TTC13: variants seen among roughly 807,000 people sequenced by gnomAD.
The protein encoded by TTC13 is tetratricopeptide repeat domain 13.
Under a neutral mutation model 120.0 loss-of-function variants are expected in TTC13, and 62 were observed. That is an observed-to-expected ratio of 0.52 (90% confidence interval 0.42 to 0.64). TTC13 has a LOEUF of 0.64. TTC13 is among the 30% of genes least tolerant of loss of function. The pLI is 0.00. For missense variants in TTC13, 824 were observed against 1,050.2 expected, an observed-to-expected ratio of 0.78 and a Z score of 2.98; for synonymous variants, 384 against 393.5, an observed-to-expected ratio of 0.98 and a Z score of 0.28.
intron 12 of TTC13, among the ~76,000 whole-genome samples, chr1:230,927,710 T>C (rs1673162981): frequency 6.6e-6 from 1 of 152,190 alleles, no homozygotes; most frequent in South Asian, 2.1e-4. Context: ...GTCCAATTTA[T>C]CAACCTTTTT....
At chr1:230,973,723 AAAGAGT>A (rs1677985743) in intron 1 of TTC13, among the ~76,000 whole-genome samples, 1 of 152,242 alleles carries the variant, frequency 6.6e-6, no homozygotes. Flanking sequence ...TACTGTCTGT[AAAGAGT>A]ATAAAGATAT....
chr1:230,916,638 G>A (rs1672059807), intron 17 of TTC13, among the ~76,000 whole-genome samples: 1 of 152,180 alleles, frequency 6.6e-6, no homozygotes, highest in African/African-American at 2.4e-5. Flanking sequence ...CAGCAACCTT[G>A]AATCATGGCA....
chr1:230,955,185 C>A (rs1030303655), intron 3 of TTC13, among the ~76,000 whole-genome samples: 1 of 152,070 alleles, frequency 6.6e-6, no homozygotes, highest in Admixed American at 6.6e-5. Context: ...CCCTTAGCCC[C>A]GCCAAAATCC....
intron 17 of TTC13, among the ~76,000 whole-genome samples, chr1:230,916,961 C>T (rs1672093345): frequency 6.6e-6 from 1 of 152,010 alleles, no homozygotes; most frequent in Non-Finnish European, 1.5e-5. Flanking sequence ...GAAAATGACC[C>T]CCAAATTTAG....
chr1:230,954,924 A>C (rs1382522082), intron 3 of TTC13, among the ~76,000 whole-genome samples: 2 of 152,222 alleles, frequency 1.3e-5, no homozygotes, highest in Non-Finnish European at 2.9e-5. Flanking sequence ...AATACAAACC[A>C]CTATAACGCA....
chr1:230,924,980 G>T lies in TTC13; in HGVS notation c.1589-7C>A. ...AATGCGGCCAAACCCATAGCTACGA[G>T]AAAGGAATATCGAGAAGAGTTAGTA... On this transcript the variant is annotated splice_region_variant and splice_polypyrimidine_tract_variant and intron_variant, in intron 13 of 22. Transcript: ENST00000366661. 5 of 1,614,116 alleles carry T rather than the reference G, an allele frequency of 3.1e-6. No homozygotes were observed. Among genetic ancestry groups the T allele is most frequent in the Non-Finnish European group, 4.2e-6 (5 of 1,180,004 alleles).
chr1:230,977,931 C>T (rs1288206811), intron 1 of TTC13, among the ~76,000 whole-genome samples: 1 of 152,228 alleles, frequency 6.6e-6, no homozygotes, highest in East Asian at 1.9e-4. Flanking sequence ...CCTGCAGGGG[C>T]CTTTTTTCCC....
At chr1:230,919,371 G>A (rs1018437106) in intron 17 of TTC13, among the ~76,000 whole-genome samples, 4 of 152,090 alleles carry the variant, frequency 2.6e-5, no homozygotes, top group East Asian at 1.9e-4. Context: ...ACGGAAGCTG[G>A]AAGGGCAAGA....
At chr1:230,929,131 TGCTAAAGAAACTTTCTTATG>T (rs1330599189) in intron 11 of TTC13, 38 bp from the exon 12 acceptor site, 5 of 1,584,112 alleles carry the variant, frequency 3.2e-6, no homozygotes, top group Non-Finnish European at 4.3e-6. Flanking sequence ...ATCCAAATAC[TGCTAAAGAAACTTTCTTATG>T]GCTAGCTGCC....
At chr1:230,929,642 C>T (rs1673367040) in intron 11 of TTC13, among the ~76,000 whole-genome samples, 2 of 152,162 alleles carry the variant, frequency 1.3e-5, no homozygotes, top group East Asian at 1.9e-4. Context: ...ATCACCTTTC[C>T]AGGAAAACCA....
At chr1:230,954,191 A>C (rs1453699941) in intron 4 of TTC13, 142 bp downstream of exon 4, 1 of 504,684 alleles carries the variant, frequency 2.0e-6, no homozygotes, top group South Asian at 4.2e-5. Context: ...TGGCAGCAAG[A>C]AAGTGCTCAG....
chr1:230,969,532 C>T (rs1401327618), intron 1 of TTC13, among the ~76,000 whole-genome samples: 2 of 152,176 alleles, frequency 1.3e-5, no homozygotes, highest in Admixed American at 1.3e-4. Context: ...CTTGATTAGG[C>T]TTGCTAGATA....
chr1:230,973,100 T>C (rs935557427), intron 1 of TTC13, among the ~76,000 whole-genome samples: 2 of 152,160 alleles, frequency 1.3e-5, no homozygotes, highest in Non-Finnish European at 2.9e-5. Context: ...GGCCAGGAGA[T>C]GAAAGGATTG....
rs1291734687 is a variant in TTC13, at chr1:230,908,762, A to G, written c.2418T>C (p.Pro806=). The change falls in exon 22 of 23, where the codon CCT becomes CCC. Residue 806 remains proline (P), a synonymous_variant. Coordinates refer to ENST00000366661, the MANE Select transcript of TTC13 (RefSeq NM_024525.5). The part of the protein sequence containing the change: ...KLVDFEAMTA[P]GSEAFSKVAK... ...CGACTTTGCTAAAGGCCTCTGAACCAGGGGCTGTCATAGCTTCAAAGTCGA... is the reference window on the plus strand; with the variant it reads ...CGACTTTGCTAAAGGCCTCTGAACCGGGGGCTGTCATAGCTTCAAAGTCGA... 15 of 1,613,664 alleles carry G rather than the reference A, an allele frequency of 9.3e-6. No individual in the cohort carries two copies. Among genetic ancestry groups the G allele is most frequent in the Non-Finnish European group, 1.2e-5 (14 of 1,179,670 alleles).
In TTC13 at chr1:230,940,305, C is replaced by T. The variant is rs1674422089; in HGVS notation, c.789+135G>A. The T allele has an allele frequency of 2.0e-6, 1 of 505,246 alleles. No individual in the cohort carries two copies. Among genetic ancestry groups the T allele is most frequent in the Non-Finnish European group, 3.5e-6 (1 of 288,742 alleles). 31.3% of individuals were successfully genotyped at this position (505,246 alleles called of 1,614,324 possible). A position where few individuals can be genotyped will look rare whatever the true frequency, so the allele number is the denominator to read the frequency against. The stretch of plus-strand genomic sequence containing the variant: ...GGTTTAATTTCAGCTACAGAAAATG[C>T]TTTTATAACTCTTATGACACAGACA... On this transcript the variant is annotated intron_variant, in intron 7 of 22. Coordinates refer to ENST00000366661, the MANE Select transcript of TTC13 (RefSeq NM_024525.5). The surrounding 1 kb of genome is among the most constrained non-coding windows in gnomAD (Gnocchi z 4.1).
intron 20 of TTC13, 138 bp downstream of exon 20, chr1:230,911,332 G>T: frequency 1.9e-6 from 1 of 539,590 alleles, no homozygotes; most frequent in Non-Finnish European, 3.2e-6. Flanking sequence ...ATATTTTTTT[G>T]TGCAGATTTT....
chr1:230,913,472 G>A (rs56285626), intron 18 of TTC13, among the ~76,000 whole-genome samples: 8,454 of 152,146 alleles, frequency 0.056, 282 homozygotes, highest in Middle Eastern at 0.16. Flanking sequence ...TGATCTTCCC[G>A]CCTCAGCCTC....
chr1:230,910,842 A>T (rs1043239555), intron 20 of TTC13, among the ~76,000 whole-genome samples: 1 of 152,276 alleles, frequency 6.6e-6, no homozygotes, highest in Non-Finnish European at 1.5e-5. Context: ...AATCAAAGAT[A>T]AAGACATTCA....
chr1:230,966,605 A>G (rs767612686), intron 1 of TTC13, among the ~76,000 whole-genome samples: 9 of 152,216 alleles, frequency 5.9e-5, no homozygotes, highest in Non-Finnish European at 1.3e-4. Flanking sequence ...TCTTCTACAA[A>G]GACATTATAG....
Sources: gnomAD v4.1 joint callset for allele counts (sites outside exome capture counted in the v4.1 genomes callset) on GRCh38, gnomAD v4.1.1 for gene constraint, Gnocchi (gnomAD v3.1) non-coding constraint, MANE v1.5 for transcripts, NCBI Gene and HGNC (gene_info 2026-07-23, HGNC 2026-07-21) for gene names.